The following LRRC17 variants were observed in gnomAD, a reference collection of about 807,000 sequenced individuals.
LRRC17 encodes leucine rich repeat containing 17.
Under a neutral mutation model 41.5 loss-of-function variants are expected in LRRC17, and 33 were observed. The observed-to-expected ratio is 0.80, with a 90% CI of 0.60 to 1.06. The LOEUF is 1.06. LRRC17 is among the 50% of genes least tolerant of loss of function. LRRC17 has a pLI of 0.00. For missense variants in LRRC17, 491 were observed against 519.3 expected, an observed-to-expected ratio of 0.95 and a Z score of 0.53; for synonymous variants, 192 against 197.0, an observed-to-expected ratio of 0.97 and a Z score of 0.21.
chr7:102,930,781 G>A (rs764681613), intron 1 of LRRC17, among the ~76,000 whole-genome samples: 2 of 152,080 alleles, frequency 1.3e-5, no homozygotes, highest in Admixed American at 6.5e-5. Context: ...TCTTATTCAC[G>A]CTTATGATGT....
rs75774388 is a variant in LRRC17 at position 102,942,324 on chromosome 7, G to T, written c.929-1886G>T. 6.7e-4 allele frequency: 1,060 copies of T among 1,592,796 alleles called. 7 individuals are homozygous for T. The African/African-American group carries it at 0.014, about 20-fold the overall frequency. On this transcript the variant is annotated intron_variant, in intron 3 of 3. Coordinates refer to ENST00000339431, the MANE Select transcript of LRRC17 (RefSeq NM_001031692.3). Reference sequence around the variant, plus strand: ...GATGAAACCCTGCAAGTAGACTTACGTGAATGATTTTTGCTGTGGTAAGTA... The same window carrying T: ...GATGAAACCCTGCAAGTAGACTTACTTGAATGATTTTTGCTGTGGTAAGTA...
In LRRC17 at chr7:102,933,864, T is replaced by C. The variant is rs1211762607; in HGVS notation, c.-50T>C. The C allele has an allele frequency of 6.7e-7, 1 of 1,497,300 alleles. No homozygotes were observed. The highest frequency in any genetic ancestry group is 2.4e-5 in the East Asian group (1 of 42,436). 92.8% of individuals were successfully genotyped at this position (1,497,300 alleles called of 1,614,324 possible). A position where few individuals can be genotyped will look rare whatever the true frequency, so the allele number is the denominator to read the frequency against. ...AGACTTGGATTTCAAAGGAATACTT[T>C]CATTGTTCCGTCTGTAACACGAAGT... On this transcript the variant is annotated 5_prime_UTR_variant, in exon 2 of 4. Transcript: ENST00000339431.
At chr7:102,936,155 A>T (rs1456206762) in intron 2 of LRRC17, 2 of 152,102 alleles carry the variant, frequency 1.3e-5, no homozygotes, top group Non-Finnish European at 2.9e-5. Context: ...TCAGTGCCAT[A>T]GGAAAGCAGT....
At chr7:102,913,403 C>T (rs847648) in intron 1 of LRRC17, among the ~76,000 whole-genome samples, 72,679 of 152,060 alleles carry the variant, frequency 0.48, 19,981 homozygotes, top group African/African-American at 0.77. Flanking sequence ...AGGTAACACA[C>T]AATACATTTA....
At chr7:102,916,798 G>GT (rs1815966182) in intron 1 of LRRC17, among the ~76,000 whole-genome samples, 1 of 150,818 alleles carries the variant, frequency 6.6e-6, no homozygotes, top group South Asian at 2.1e-4. Context: ...TTATGGGGGG[G>GT]GGTGTGAGTC....
chr7:102,924,814 C>G lies in LRRC17; in HGVS notation c.-140-8960C>G, dbSNP rs559577824. On this transcript the variant is annotated intron_variant, in intron 1 of 3. Transcript: ENST00000339431. ...CACCACCGCACCCGGCTAATTTTTT[C>G]TATTTTTTAGTAGAGACGGGGTTTC... Among the ~76,000 whole-genome samples the G allele has an allele frequency of 3.7e-3, 565 of 151,776 alleles. 5 individuals are homozygous for G. Among genetic ancestry groups the G allele is most frequent in the African/African-American group, 0.013 (558 of 41,430 alleles).
intron 1 of LRRC17, among the ~76,000 whole-genome samples, chr7:102,917,766 T>A (rs945912057): frequency 6.6e-6 from 1 of 152,050 alleles, no homozygotes; most frequent in Non-Finnish European, 1.5e-5. Context: ...ATAGAACAGA[T>A]TGAAGGGAGG....
At position 102,939,556 on chromosome 7, in the gene LRRC17, G is replaced by A; in HGVS notation, c.899G>A (p.Ser300Asn). 6.2e-7 allele frequency: 1 copy of A among 1,613,844 alleles called. No individual in the cohort carries two copies. Among genetic ancestry groups the A allele is most frequent in the Middle Eastern group, 1.7e-4 (1 of 6,058 alleles). The change falls in exon 3 of 4, where the codon AGC becomes AAC. Residue 300 changes from serine to asparagine, a missense_variant. Physicochemically the swap from Ser to Asn is conservative, Grantham distance 46. Coordinates refer to ENST00000339431, the MANE Select transcript of LRRC17 (RefSeq NM_001031692.3). ...DVHELKKLNL[S>N]SNGIEFIDPA... ...CATGAGCTGAAGAAATTAAACCTCA[G>A]CAGCAATGGCATTGAATTCATCGAT... is the stretch of plus-strand genomic sequence containing the variant.
At chr7:102,942,455 T>G (rs1441967014) in intron 3 of LRRC17, 2 of 840,596 alleles carry the variant, frequency 2.4e-6, no homozygotes, top group Non-Finnish European at 3.5e-6. Context: ...TACTAGGGGG[T>G]TTTTACCTCC....
chr7:102,943,536 C>A (rs1354915684), intron 3 of LRRC17, among the ~76,000 whole-genome samples: 1 of 152,048 alleles, frequency 6.6e-6, no homozygotes, highest in African/African-American at 2.4e-5. Flanking sequence ...AAGGTAGTAA[C>A]GAAAGAAACA....
At chr7:102,937,970 T>G (rs909348500) in intron 2 of LRRC17, among the ~76,000 whole-genome samples, 3 of 152,210 alleles carry the variant, frequency 2.0e-5, no homozygotes, top group Admixed American at 2.0e-4. Context: ...ACCTAATATG[T>G]GCCCATTCAA....
chr7:102,914,176 G>A (rs532968032), intron 1 of LRRC17, among the ~76,000 whole-genome samples: 7 of 152,154 alleles, frequency 4.6e-5, no homozygotes, highest in Admixed American at 2.0e-4. Flanking sequence ...TGGTTCAAGC[G>A]ATTCTCCTGC....
At chr7:102,938,541 A>G (rs1324024279) in intron 2 of LRRC17, among the ~76,000 whole-genome samples, 1 of 152,166 alleles carries the variant, frequency 6.6e-6, no homozygotes, top group Non-Finnish European at 1.5e-5. Flanking sequence ...AGGGGTAATA[A>G]TCAAGTAAAT....
chr7:102,934,514 A>G lies in LRRC17; in HGVS notation c.601A>G (p.Lys201Glu). ...KCESPQEQKN[K>E]KLRQIKSEQL... Reference sequence around the variant, plus strand: ...TGAAAGTCCACAAGAACAAAAAAATAAAAAACTGCGGCAGATAAAATCTGA... The same window carrying G: ...TGAAAGTCCACAAGAACAAAAAAATGAAAAACTGCGGCAGATAAAATCTGA... Residue 201 changes from lysine to glutamate, a missense_variant, in exon 2 of 4, where the codon AAA becomes GAA. By Grantham distance (56) the Lys-to-Glu change is moderately conservative (BLOSUM62 1). Coordinates refer to ENST00000339431, the MANE Select transcript of LRRC17 (RefSeq NM_001031692.3). 1 of 1,612,210 alleles carries G rather than the reference A, an allele frequency of 6.2e-7. No homozygotes were observed. The highest frequency in any genetic ancestry group is 1.1e-5 in the South Asian group (1 of 90,970).
intron 3 of LRRC17, among the ~76,000 whole-genome samples, chr7:102,942,699 C>G (rs1263258018): frequency 1.3e-5 from 2 of 152,082 alleles, no homozygotes; most frequent in African/African-American, 2.4e-5. Context: ...CCCCTACCCG[C>G]AAGACATTGC....
At chr7:102,915,462 A>G (rs1460286880) in intron 1 of LRRC17, among the ~76,000 whole-genome samples, 1 of 151,910 alleles carries the variant, frequency 6.6e-6, no homozygotes, top group Non-Finnish European at 1.5e-5. Flanking sequence ...CAATAATTCC[A>G]AGAGTTTGAA....
intron 3 of LRRC17, among the ~76,000 whole-genome samples, chr7:102,941,545 C>G (rs1029996317): frequency 1.3e-5 from 2 of 152,148 alleles, no homozygotes; most frequent in African/African-American, 4.8e-5. Flanking sequence ...TTCTCCATTG[C>G]AATTCCCCTG....
chr7:102,934,628 T>C lies in LRRC17; in HGVS notation c.715T>C (p.Ser239Pro). The change falls in exon 2 of 4, where the codon TCA becomes CCA. Residue 239 changes from serine (S) to proline (P), a missense_variant. Coordinates refer to ENST00000339431, the MANE Select transcript of LRRC17 (RefSeq NM_001031692.3). ...RPPVIKPEVD[S>P]TFCHNYVFPI... ...CCCAGTCATCAAGCCTGAGGTGGAC[T>C]CAACTTTTTGCCACAATTATGTGTT... 2.5e-6 allele frequency: 4 copies of C among 1,609,002 alleles called. No individual in the cohort carries two copies. Among genetic ancestry groups the C allele is most frequent in the Non-Finnish European group, 3.4e-6 (4 of 1,178,758 alleles).
At chr7:102,917,976 G>GA (rs1272423520) in intron 1 of LRRC17, among the ~76,000 whole-genome samples, 2 of 152,094 alleles carry the variant, frequency 1.3e-5, no homozygotes, top group Non-Finnish European at 2.9e-5. Flanking sequence ...AAAGAAGTGA[G>GA]AAAAAATATT....
Sources: gnomAD v4.1 joint callset for allele counts (sites outside exome capture counted in the v4.1 genomes callset) on GRCh38, gnomAD v4.1.1 for gene constraint, MANE v1.5 for transcripts, NCBI Gene and HGNC (gene_info 2026-07-23, HGNC 2026-07-21) for gene names.